The following TTC28 variants were observed in gnomAD, a reference collection of about 807,000 sequenced individuals.
TTC28 encodes tetratricopeptide repeat protein 28.
TTC28 carries 61 observed loss-of-function variants against 198.0 expected under a neutral mutation model. That is an observed-to-expected ratio of 0.31 (90% CI 0.25 to 0.38). The LOEUF is 0.38. Ranked by LOEUF, TTC28 falls within the 10% of genes least tolerant of loss-of-function variation. TTC28 has a pLI of 1.00. For missense variants in TTC28, 2,678 were observed against 3,164.0 expected (o/e 0.85, Z 3.69); for synonymous variants, 1,171 against 1,297.8 (o/e 0.90, Z 2.10).
chr22:28,141,219 C>A (rs1943326095), intron 6 of TTC28, among the ~76,000 whole-genome samples: 1 of 152,204 alleles, frequency 6.6e-6, no homozygotes, highest in Non-Finnish European at 1.5e-5. Context: ...TCCCAGCTGT[C>A]AGCCTGGCTC....
At chr22:28,029,072 T>C (rs1463920524) in intron 13 of TTC28, 4 of 471,048 alleles carry the variant, frequency 8.5e-6, no homozygotes, top group South Asian at 1.5e-5. Context: ...AGCAAGAACA[T>C]GTGTCCAGGC....
At chr22:28,506,641 T>C (rs1185193862) in intron 2 of TTC28, among the ~76,000 whole-genome samples, 2 of 152,050 alleles carry the variant, frequency 1.3e-5, no homozygotes, top group Non-Finnish European at 2.9e-5. Context: ...TCCAGTCACC[T>C]CCTACAGGCA....
At chr22:28,470,922 A>G (rs1317896329) in intron 2 of TTC28, among the ~76,000 whole-genome samples, 1 of 152,226 alleles carries the variant, frequency 6.6e-6, no homozygotes, top group East Asian at 1.9e-4. Context: ...GATTTTCTCC[A>G]CATTTCAGCC....
At chr22:28,345,824 T>G (rs1393737766) in intron 2 of TTC28, among the ~76,000 whole-genome samples, 3 of 152,148 alleles carry the variant, frequency 2.0e-5, no homozygotes, top group Non-Finnish European at 2.9e-5. Flanking sequence ...CCTCTTCACT[T>G]CAAACAAACT....
intron 13 of TTC28, among the ~76,000 whole-genome samples, chr22:28,030,007 A>C (rs1939007325): frequency 1.3e-5 from 2 of 152,230 alleles, no homozygotes; most frequent in South Asian, 4.1e-4. Flanking sequence ...GGATTGTCAC[A>C]TCAAGCCTGT....
At chr22:28,152,969 C>T (rs1211216832) in intron 6 of TTC28, among the ~76,000 whole-genome samples, 3 of 151,896 alleles carry the variant, frequency 2.0e-5, no homozygotes, top group East Asian at 3.8e-4. Flanking sequence ...TACTAGGTTT[C>T]GTGTGTGTTC....
intron 1 of TTC28, among the ~76,000 whole-genome samples, chr22:28,639,818 T>C (rs192098318): frequency 2.6e-5 from 4 of 152,264 alleles, no homozygotes; most frequent in African/African-American, 7.2e-5. Context: ...AACGGACTAA[T>C]ACATGTATTT....
intron 21 of TTC28, among the ~76,000 whole-genome samples, chr22:27,988,351 G>A (rs758353677): frequency 1.2e-4 from 18 of 150,192 alleles, no homozygotes; most frequent in African/African-American, 3.4e-4. Context: ...ACAGTGGCGC[G>A]ATCTCGGCTC....
At chr22:28,278,265 C>T (rs944171663) in intron 5 of TTC28, among the ~76,000 whole-genome samples, 3 of 152,104 alleles carry the variant, frequency 2.0e-5, no homozygotes, top group African/African-American at 7.2e-5. Context: ...ATGGGAATAA[C>T]ATGAAATAAT....
chr22:28,420,279 A>C (rs1280278616), intron 2 of TTC28, among the ~76,000 whole-genome samples: 1 of 152,202 alleles, frequency 6.6e-6, no homozygotes. Flanking sequence ...GGGCTGCAGT[A>C]AAAAAAGAAT....
intron 11 of TTC28, among the ~76,000 whole-genome samples, chr22:28,094,539 T>C (rs1479148600): frequency 6.6e-6 from 1 of 152,190 alleles, no homozygotes; most frequent in African/African-American, 2.4e-5. Flanking sequence ...TCAAAACAGA[T>C]GCTTCTTAGA....
chr22:28,161,382 T>A (rs1392963509), intron 6 of TTC28, among the ~76,000 whole-genome samples: 1 of 151,928 alleles, frequency 6.6e-6, no homozygotes, highest in East Asian at 1.9e-4. Flanking sequence ...AAACAACAAA[T>A]GAAAATTAGC....
chr22:28,333,825 G>GA (rs571702641), intron 2 of TTC28, among the ~76,000 whole-genome samples: 7 of 151,288 alleles, frequency 4.6e-5, no homozygotes, highest in East Asian at 3.9e-4. Context: ...AACACCTAAG[G>GA]AAAAAAAATC....
At chr22:28,215,610 G>C (rs1927326341) in intron 5 of TTC28, among the ~76,000 whole-genome samples, 1 of 151,852 alleles carries the variant, frequency 6.6e-6, no homozygotes, top group Non-Finnish European at 1.5e-5. Flanking sequence ...TGCACACATG[G>C]TGTGTGTGTG....
rs11703852 is a variant in TTC28 at position 28,265,259 on chromosome 22, G to A, written c.933+30939C>T. ...ATTTCAAGCAATTGTCTTTTGTGGG[G>A]TCACGCACACCATGTATCCATCCCA... On this transcript the variant is annotated intron_variant, in intron 5 of 22. Transcript: ENST00000397906. Among the ~76,000 whole-genome samples the A allele has an allele frequency of 2.3e-3, 350 of 152,258 alleles. 1 individual carries two copies. Among genetic ancestry groups the A allele is most frequent in the Non-Finnish European group, 3.3e-3 (227 of 68,000 alleles).
At chr22:28,084,271 G>A (rs537567120) in intron 12 of TTC28, among the ~76,000 whole-genome samples, 45 of 152,252 alleles carry the variant, frequency 3.0e-4, no homozygotes, top group African/African-American at 4.1e-4. Flanking sequence ...CAGTAGCGGC[G>A]GACTGATACC....
intron 2 of TTC28, among the ~76,000 whole-genome samples, chr22:28,334,995 AT>A (rs1365390657): frequency 6.6e-6 from 1 of 152,168 alleles, no homozygotes; most frequent in Non-Finnish European, 1.5e-5. Context: ...TAGGTCTAAT[AT>A]TTAAGTCTTT....
At chr22:28,489,927 T>G in intron 2 of TTC28, among the ~76,000 whole-genome samples, 1 of 152,162 alleles carries the variant, frequency 6.6e-6, no homozygotes, top group East Asian at 1.9e-4. Flanking sequence ...ATAGGCTGTC[T>G]GCAAGCTAAG....
At chr22:28,470,837 C>A (rs1006665353) in intron 2 of TTC28, among the ~76,000 whole-genome samples, 11 of 152,016 alleles carry the variant, frequency 7.2e-5, no homozygotes, top group Non-Finnish European at 1.3e-4. Context: ...AAGAACAACA[C>A]AAGAGAAGTG....
Sources: allele counts gnomAD v4.1 joint callset (sites outside exome capture counted in the v4.1 genomes callset), GRCh38; gene constraint gnomAD v4.1.1; transcripts MANE v1.5; gene names NCBI Gene and HGNC (gene_info 2026-07-23, HGNC 2026-07-21).